Variants in HMOX2 observed in about 807,000 individuals in gnomAD.
The protein encoded by HMOX2 is heme oxygenase (decycling) 2.
Under a neutral mutation model 33.7 loss-of-function variants are expected in HMOX2, and 30 were observed. The ratio of observed to expected loss-of-function variants is 0.89; its 90% confidence interval spans 0.67 to 1.21. The LOEUF is 1.21. Ranked by LOEUF, HMOX2 falls within the 50% of genes most tolerant of loss-of-function variation. HMOX2 has a pLI of 0.00. For missense variants in HMOX2, 403 were observed against 399.1 expected (o/e 1.01, Z -0.08); for synonymous variants, 155 against 155.0 (o/e 1.00, Z 0.00).
chr16:4,491,398 C>G (rs2058301979), intron 1 of HMOX2, among the ~76,000 whole-genome samples: 1 of 152,100 alleles, frequency 6.6e-6, no homozygotes, highest in Non-Finnish European at 1.5e-5. Context: ...TCCTGTAATC[C>G]TGGCACTTTG....
At chr16:4,507,099 T>A (rs2058713186) in intron 3 of HMOX2, 87 bp downstream of exon 3, 1 of 828,852 alleles carries the variant, frequency 1.2e-6, no homozygotes. Context: ...CTGGAGCCAC[T>A]CTGAGGGAAA....
rs1827661586 is a variant in HMOX2 at position 4,507,576 on chromosome 16, G to A, written c.205-137G>A. The A allele has an allele frequency of 3.7e-5, 31 of 848,780 alleles. 1 individual carries two copies. The South Asian group carries it at 5.2e-4, about 14-fold the overall frequency. The allele number at this position is 848,780 out of a possible 1,614,324, so 52.6% of individuals were successfully genotyped here. On this transcript the variant is annotated intron_variant, in intron 3 of 5. Transcript: ENST00000570646. ...TTAAGAAACAAAAGCTTCCTTGTGTGTTAAATAATTCACTACATAAAAATG... is the reference window on the plus strand; with the variant it reads ...TTAAGAAACAAAAGCTTCCTTGTGTATTAAATAATTCACTACATAAAAATG...
In HMOX2 at chr16:4,488,165, C is replaced by T. The variant is rs186685282; in HGVS notation, c.-42+11678C>T. On this transcript the variant is annotated intron_variant, in intron 1 of 5. Coordinates refer to ENST00000570646, the MANE Select transcript of HMOX2 (RefSeq NM_002134.4). ...AAAAAAAACAGGCTTGAGTATACCT[C>T]TCACAGCCCTGGAGAATGCCTGAGC... Among the ~76,000 whole-genome samples the T allele has an allele frequency of 1.9e-3, 292 of 151,050 alleles. 1 individual carries two copies. The highest frequency in any genetic ancestry group is 6.5e-3 in the African/African-American group (269 of 41,196).
At chr16:4,485,960 G>A (rs549290924) in intron 1 of HMOX2, among the ~76,000 whole-genome samples, 2 of 152,064 alleles carry the variant, frequency 1.3e-5, no homozygotes, top group Non-Finnish European at 2.9e-5. Context: ...CTGACCTCAG[G>A]TGATCCACCC....
intron 2 of HMOX2, among the ~76,000 whole-genome samples, chr16:4,506,638 C>T (rs567139748): frequency 2.6e-5 from 4 of 152,286 alleles, no homozygotes; most frequent in African/African-American, 9.6e-5. Flanking sequence ...GACACATGGA[C>T]GTGGGTACTA....
intron 1 of HMOX2, chr16:4,479,668 G>A (rs2057962339): frequency 6.6e-6 from 1 of 151,596 alleles, no homozygotes; most frequent in South Asian, 2.1e-4. Context: ...AAAAGGCTGT[G>A]GGGAAGAATG....
intron 3 of HMOX2, 136 bp from the exon 4 acceptor site, chr16:4,507,576 GT>G: frequency 1.2e-6 from 1 of 848,898 alleles, no homozygotes; most frequent in Non-Finnish European, 1.8e-6. Context: ...TTCCTTGTGT[GT>G]TAAATAATTC....
At chr16:4,503,437 A>G (rs1190817392) in intron 1 of HMOX2, among the ~76,000 whole-genome samples, 1 of 152,328 alleles carries the variant, frequency 6.6e-6, no homozygotes, top group East Asian at 1.9e-4. Flanking sequence ...TGTGCTGTGC[A>G]TCGTACAGTT....
At chr16:4,492,745 AAC>A (rs1278554013) in intron 1 of HMOX2, among the ~76,000 whole-genome samples, 2 of 151,630 alleles carry the variant, frequency 1.3e-5, no homozygotes, top group Non-Finnish European at 2.9e-5. Flanking sequence ...AACAACAAAA[AAC>A]ACAAAAAAGG....
rs1178417175 is a variant in HMOX2, at chr16:4,508,034, A to C, written c.526A>C (p.Lys176Gln). ...GAAGAAGGTGGCCCAGCGAGCACTG[A>C]AACTCCCCAGCACAGGGGAAGGGAC... Reference protein sequence around the residue: ...VLKKVAQRALKLPSTGEGTQF... With the variant: ...VLKKVAQRALQLPSTGEGTQF... Residue 176 changes from lysine to glutamine, a missense_variant, in exon 4 of 6, where the codon AAA (lysine) becomes CAA (glutamine). Lys to Gln is a moderately conservative substitution (Grantham distance 53). Coordinates refer to ENST00000570646, the MANE Select transcript of HMOX2 (RefSeq NM_002134.4). 6.2e-7 allele frequency: 1 copy of C among 1,614,046 alleles called. No homozygotes were observed. The highest frequency in any genetic ancestry group is 1.3e-5 in the African/African-American group (1 of 75,016).
intron 1 of HMOX2, chr16:4,479,698 T>G (rs2057963114): frequency 6.5e-6 from 1 of 153,188 alleles, no homozygotes; most frequent in Admixed American, 6.6e-5. Context: ...ACTAGTATCT[T>G]GTACCCAGCC....
At chr16:4,501,322 T>G (rs766385875) in intron 1 of HMOX2, among the ~76,000 whole-genome samples, 3 of 152,200 alleles carry the variant, frequency 2.0e-5, no homozygotes, top group Non-Finnish European at 4.4e-5. Context: ...GTGTTTGGGA[T>G]CCTTTTTAAA....
At chr16:4,484,632 TG>T (rs1238343024) in intron 1 of HMOX2, among the ~76,000 whole-genome samples, 6 of 151,764 alleles carry the variant, frequency 4.0e-5, no homozygotes, top group Admixed American at 1.3e-4. Context: ...GGCTGATTTT[TG>T]TATTTTTAGT....
At chr16:4,487,257 C>CAA (rs879421943) in intron 1 of HMOX2, among the ~76,000 whole-genome samples, 1 of 141,574 alleles carries the variant, frequency 7.1e-6, no homozygotes, top group African/African-American at 2.6e-5. Context: ...GACCCTGTCT[C>CAA]AAAAAAAAAA....
In HMOX2 at chr16:4,506,877, C is replaced by CT; in HGVS notation, c.87-18_87-17insT. On this transcript the variant is annotated splice_polypyrimidine_tract_variant and intron_variant, in intron 2 of 5. Transcript: ENST00000570646. ...GGAAGGGCTAATTGACACACAAACA[C>CT]CTCCCATCTCTCCACAGAATGGCTG... 1 of 1,561,932 alleles carries CT rather than the reference C, an allele frequency of 6.4e-7. No homozygotes were observed. The highest frequency in any genetic ancestry group is 2.2e-5 in the East Asian group (1 of 44,656).
In HMOX2 at chr16:4,510,068, GCAGTA is replaced by G. The variant is rs573651530; in HGVS notation, c.*315_*319del. ...GCTGCTTCCGGTAGTCCCTGTTTTT[GCAGTA>G]CATGGGTGACTATCTCCCCTGTTGG... On this transcript the variant is annotated 3_prime_UTR_variant, in exon 6 of 6. Transcript: ENST00000570646. 260 of 407,444 alleles carry G rather than the reference GCAGTA, an allele frequency of 6.4e-4. 1 individual carries two copies. In the East Asian group the frequency reaches 0.01, roughly 16 times the overall value. The allele number at this position is 407,444 out of a possible 1,614,324, so 25.2% of individuals were successfully genotyped here. A position where few individuals can be genotyped will look rare whatever the true frequency, so the allele number is the denominator to read the frequency against.
chr16:4,480,644 G>A (rs1425288271), intron 1 of HMOX2, among the ~76,000 whole-genome samples: 1 of 141,994 alleles, frequency 7.0e-6, no homozygotes, highest in East Asian at 2.0e-4. Context: ...CCGGCTAAGG[G>A]CCTACTATTT....
At chr16:4,492,834 T>C (rs960857629) in intron 1 of HMOX2, among the ~76,000 whole-genome samples, 1 of 151,952 alleles carries the variant, frequency 6.6e-6, no homozygotes, top group Non-Finnish European at 1.5e-5. Flanking sequence ...GTCAGCAGTT[T>C]GAGACCAGCC....
intron 1 of HMOX2, among the ~76,000 whole-genome samples, chr16:4,488,348 G>C (rs188885580): frequency 5.5e-4 from 83 of 152,216 alleles, no homozygotes; most frequent in Non-Finnish European, 9.4e-4. Flanking sequence ...CCAGTTCTGG[G>C]AACTCTTGGG....
Sources: allele counts gnomAD v4.1 joint callset (sites outside exome capture counted in the v4.1 genomes callset), GRCh38; gene constraint gnomAD v4.1.1; transcripts MANE v1.5; gene names NCBI Gene and HGNC (gene_info 2026-07-23, HGNC 2026-07-21).